Variants in ATP6V1D observed in about 807,000 individuals in gnomAD.
ATP6V1D encodes V-type proton ATPase subunit D.
Under a neutral mutation model 39.4 loss-of-function variants are expected in ATP6V1D, and 20 were observed. The observed-to-expected ratio is 0.51, with a 90% CI of 0.36 to 0.74. The LOEUF is 0.74. Ranked by LOEUF, ATP6V1D falls within the 30% of genes least tolerant of loss-of-function variation. The pLI is 0.00. For synonymous variants in ATP6V1D, 100 were observed against 100.5 expected (o/e 0.99, Z 0.03); for missense variants, 228 against 291.6 (o/e 0.78, Z 1.59).
At chr14:67,344,712 C>T (rs1416454925) in intron 6 of ATP6V1D, among the ~76,000 whole-genome samples, 1 of 151,446 alleles carries the variant, frequency 6.6e-6, no homozygotes, top group East Asian at 1.9e-4. Flanking sequence ...GACCTCATCT[C>T]AACTAAAAAA....
At chr14:67,357,767 G>C (rs1316648449) in intron 1 of ATP6V1D, among the ~76,000 whole-genome samples, 1 of 152,154 alleles carries the variant, frequency 6.6e-6, no homozygotes, top group African/African-American at 2.4e-5. Context: ...GGAGCCAGCC[G>C]CAAGAAGAGT....
chr14:67,356,139 G>A (rs1280997044), intron 1 of ATP6V1D, among the ~76,000 whole-genome samples: 1 of 151,902 alleles, frequency 6.6e-6, no homozygotes, highest in Non-Finnish European at 1.5e-5. Flanking sequence ...AACTTTTTTG[G>A]CCAGGTGCAG....
chr14:67,359,208 G>A (rs2085709370), intron 1 of ATP6V1D, among the ~76,000 whole-genome samples: 1 of 152,168 alleles, frequency 6.6e-6, no homozygotes, highest in African/African-American at 2.4e-5. Flanking sequence ...TTGGCTTAGG[G>A]ACCTCTTCTA....
chr14:67,345,926 A>G, intron 5 of ATP6V1D, 55 bp from the exon 6 acceptor site: 1 of 1,102,652 alleles, frequency 9.1e-7, no homozygotes, highest in African/African-American at 1.6e-5. Context: ...CTTCCCTATA[A>G]AATTCCCCAA....
At chr14:67,358,376 G>T (rs2085700489) in intron 1 of ATP6V1D, among the ~76,000 whole-genome samples, 1 of 152,140 alleles carries the variant, frequency 6.6e-6, no homozygotes, top group Non-Finnish European at 1.5e-5. Flanking sequence ...CGGGCAGAAA[G>T]AAATCTGGGC....
At chr14:67,343,233 C>A (rs1465261480) in intron 7 of ATP6V1D, 139 bp downstream of exon 7, 3 of 563,506 alleles carry the variant, frequency 5.3e-6, no homozygotes, top group East Asian at 3.0e-5. Context: ...TATGGACACA[C>A]TTCTCTCTTT....
chr14:67,349,143 C>T, intron 3 of ATP6V1D, 39 bp from the exon 4 acceptor site: 1 of 1,588,066 alleles, frequency 6.3e-7, no homozygotes, highest in Non-Finnish European at 8.6e-7. Context: ...GCAGACTCTT[C>T]AGAAATAAAC....
chr14:67,343,247 C>T, intron 7 of ATP6V1D, 125 bp downstream of exon 7: 1 of 661,210 alleles, frequency 1.5e-6, no homozygotes, highest in Non-Finnish European at 2.5e-6. Flanking sequence ...TCTCTTTGCA[C>T]TGTGGGCAAG....
Position 67,347,345 on chromosome 14 carries a change from T to C in ATP6V1D, c.352+64A>G, listed in dbSNP as rs540983815. On this transcript the variant is annotated intron_variant, in intron 5 of 8. Coordinates refer to ENST00000216442, the MANE Select transcript of ATP6V1D (RefSeq NM_015994.4). The stretch of plus-strand genomic sequence containing the variant: ...TCTAGCACCATTTTCCAGAACTTAG[T>C]TCATTTAAAGAGGAAACAGGAAATC... 9.7e-4 allele frequency: 1,306 copies of C among 1,340,766 alleles called. 28 individuals are homozygous for C. The South Asian group carries it at 0.014, about 15-fold the overall frequency. 83.1% of individuals were successfully genotyped at this position (1,340,766 alleles called of 1,614,324 possible). A position where few individuals can be genotyped will look rare whatever the true frequency, so the allele number is the denominator to read the frequency against.
At chr14:67,338,811 A>G in intron 8 of ATP6V1D, 49 bp from the exon 9 acceptor site, 1 of 1,519,002 alleles carries the variant, frequency 6.6e-7, no homozygotes, top group Non-Finnish European at 9.0e-7. Flanking sequence ...TTTCAATATT[A>G]AGTAGATTTG....
At chr14:67,339,390 A>G (rs1261608643) in intron 8 of ATP6V1D, among the ~76,000 whole-genome samples, 1 of 152,148 alleles carries the variant, frequency 6.6e-6, no homozygotes, top group East Asian at 1.9e-4. Context: ...GGCTCAACAC[A>G]ACCCTGAGTA....
At chr14:67,342,440 T>TAAA (rs2085592261) in intron 7 of ATP6V1D, among the ~76,000 whole-genome samples, 1 of 151,236 alleles carries the variant, frequency 6.6e-6, no homozygotes, top group Admixed American at 6.6e-5. Context: ...AATCAACTGT[T>TAAA]AAAAAATCGA....
chr14:67,356,940 C>T (rs1013002153), intron 1 of ATP6V1D, among the ~76,000 whole-genome samples: 2 of 152,178 alleles, frequency 1.3e-5, no homozygotes, highest in Non-Finnish European at 2.9e-5. Flanking sequence ...CTGCATATTC[C>T]AGCCAGTTTA....
chr14:67,352,179 C>T (rs1023089748), intron 2 of ATP6V1D, among the ~76,000 whole-genome samples: 2 of 151,846 alleles, frequency 1.3e-5, no homozygotes, highest in Non-Finnish European at 2.9e-5. Flanking sequence ...TTGTTAAGTA[C>T]GTACAGGTTT....
rs747888795 is a variant in ATP6V1D at position 67,345,921 on chromosome 14, C to G, written c.353-50G>C. 4.4e-5 allele frequency: 52 copies of G among 1,169,286 alleles called. No homozygotes were observed. In the South Asian group the frequency reaches 6.8e-4, roughly 15 times the overall value. The allele number at this position is 1,169,286 out of a possible 1,614,324, so 72.4% of individuals were successfully genotyped here. On this transcript the variant is annotated intron_variant, in intron 5 of 8. Coordinates refer to ENST00000216442, the MANE Select transcript of ATP6V1D (RefSeq NM_015994.4). The stretch of plus-strand genomic sequence containing the variant: ...TTTTAATTAGAGTAAAATATCTTCC[C>G]TATAAAATTCCCCAAAAGGAGATAA...
In ATP6V1D at chr14:67,345,151, C is replaced by T. The variant is rs377096762; in HGVS notation, c.456+617G>A. 3.3e-5 allele frequency among the ~76,000 whole-genome samples: 5 copies of T among 151,300 alleles called. No individual in the cohort carries two copies. In the East Asian group the frequency reaches 5.9e-4, roughly 18 times the overall value. ...CAGCTACTCAGGAGGCTGAGGTGGG[C>T]GGATCACTTAAGCCCAGGAGGTTAA... is the stretch of plus-strand genomic sequence containing the variant. On this transcript the variant is annotated intron_variant, in intron 6 of 8. Transcript: ENST00000216442.
chr14:67,347,502 C>CTTT lies in ATP6V1D; in HGVS notation c.308-52_308-50dup, dbSNP rs71129819. The CTTT allele has an allele frequency of 1.7e-3, 1,915 of 1,108,100 alleles. 1 individual carries two copies. Among genetic ancestry groups the CTTT allele is most frequent in the Middle Eastern group, 2.6e-3 (10 of 3,846 alleles). 68.6% of individuals were successfully genotyped at this position (1,108,100 alleles called of 1,614,324 possible). A position where few individuals can be genotyped will look rare whatever the true frequency, so the allele number is the denominator to read the frequency against. On this transcript the variant is annotated intron_variant, in intron 4 of 8. Coordinates refer to ENST00000216442, the MANE Select transcript of ATP6V1D (RefSeq NM_015994.4). ...GGATTCATAAACCTTTAAGTTCTCT[C>CTTT]TTTTTTTTTTTTTTCTGAGACGGAG...
In ATP6V1D at chr14:67,340,533, A is replaced by T; in HGVS notation, c.524-15T>A. On this transcript the variant is annotated splice_polypyrimidine_tract_variant and intron_variant, in intron 7 of 8. Transcript: ENST00000216442. ...GGGAATGATGACTAGAATAAAAAAA[A>T]AAATAATATGTGTGAGAACTTCAAA... is the stretch of plus-strand genomic sequence containing the variant. 6.2e-7 allele frequency: 1 copy of T among 1,605,450 alleles called. No individual in the cohort carries two copies. The highest frequency in any genetic ancestry group is 8.5e-7 in the Non-Finnish European group (1 of 1,172,866).
chr14:67,343,483 A>ATCAT (rs1566597701), intron 6 of ATP6V1D, 45 bp from the exon 7 acceptor site: 1 of 1,337,818 alleles, frequency 7.5e-7, no homozygotes, highest in South Asian at 1.2e-5. Context: ...AGTCTTCCTA[A>ATCAT]TCATTCCCTG....
Sources: allele counts gnomAD v4.1 joint callset (sites outside exome capture counted in the v4.1 genomes callset), GRCh38; gene constraint gnomAD v4.1.1; transcripts MANE v1.5; gene names NCBI Gene and HGNC (gene_info 2026-07-23, HGNC 2026-07-21).